The following TNK2 variants were observed in gnomAD, a reference collection of about 807,000 sequenced individuals.
The protein encoded by TNK2 is activated CDC42 kinase 1.
TNK2 carries 83 observed loss-of-function variants against 101.8 expected under a neutral mutation model. That is an observed-to-expected ratio of 0.82 (90% CI 0.68 to 0.98). The LOEUF (loss-of-function observed/expected upper bound fraction) is 0.98. Ranked by LOEUF, TNK2 falls within the 50% of genes least tolerant of loss-of-function variation. TNK2 has a pLI of 0.00. For missense variants in TNK2, 1,665 were observed against 1,483.2 expected (o/e 1.12, Z -2.01); for synonymous variants, 804 against 633.0 (o/e 1.27, Z -4.06).
chr3:195,884,939 C>A lies in TNK2; in HGVS notation c.329G>T (p.Gly110Val), dbSNP rs766261410. ...KTSPAPGGPA[G>V]EGPLQSLTCL... is the part of the protein sequence containing the mutation. The stretch of plus-strand genomic sequence containing the variant: ...GGTGAGGCTCTGCAGGGGCCCCTCC[C>A]CTGCTGGGCCCCCAGGGGCGGGCGA... The change falls in exon 4 of 16, where the codon GGG (glycine) becomes GTG (valine). Residue 110 changes from glycine to valine, a missense_variant. By Grantham distance (109) the Gly-to-Val change is moderately radical. This residue lies in a region of TNK2 where 490 missense variants were observed against 522.5 expected (regional missense o/e 0.94). Coordinates refer to ENST00000672887, the MANE Select transcript of TNK2 (RefSeq NM_001382273.1). The A allele has an allele frequency of 7.2e-5, 117 of 1,613,982 alleles. No homozygotes were observed. The highest frequency in any genetic ancestry group is 9.6e-5 in the Non-Finnish European group (113 of 1,180,006).
At position 195,879,122 on chromosome 3, in the gene TNK2, C is replaced by T. The variant is rs764378910; in HGVS notation, c.941G>A (p.Trp314Ter). The part of the protein sequence containing the change: ...TRTFSHASDT[W>*]MFGVTLWEMF... ...TTCCCACAGTGTCACCCCGAACATC[C>T]AGGTGTCGCTGGCATGGGAGAAGGT... is the stretch of plus-strand genomic sequence containing the variant. Residue 314 changes from tryptophan to a stop codon, truncating the protein, a stop_gained, in exon 7 of 16, where the codon TGG becomes TAG. Transcript: ENST00000672887. LOFTEE classifies it high-confidence loss of function. 1.2e-6 allele frequency: 2 copies of T among 1,613,862 alleles called. No homozygotes were observed. The highest frequency in any genetic ancestry group is 1.1e-5 in the South Asian group (1 of 91,082).
chr3:195,869,843 G>A, intron 11 of TNK2: 1 of 563,542 alleles, frequency 1.8e-6, no homozygotes, highest in Non-Finnish European at 3.2e-6. Context: ...GGAAAGCCAG[G>A]ATCTGAGCTC....
intron 1 of TNK2, among the ~76,000 whole-genome samples, chr3:195,893,796 C>G (rs1410101808): frequency 6.6e-6 from 1 of 152,128 alleles, no homozygotes; most frequent in African/African-American, 2.4e-5. Flanking sequence ...CTCAGGGAGC[C>G]TCAGCTGGCT....
chr3:195,885,846 G>C lies in TNK2; in HGVS notation c.235-813C>G. 2 of 322,648 alleles carry C rather than the reference G, an allele frequency of 6.2e-6. No individual in the cohort carries two copies. Among genetic ancestry groups the C allele is most frequent in the Non-Finnish European group, 6.2e-6 (1 of 162,272 alleles). 20.0% of individuals were successfully genotyped at this position (322,648 alleles called of 1,614,324 possible). On this transcript the variant is annotated intron_variant, in intron 3 of 15. Transcript: ENST00000672887. The surrounding 1 kb of genome is among the most constrained non-coding windows in gnomAD (Gnocchi z 4.7). ...CCTTGGCTCCAGATTGCAGATTCTT[G>C]CCAGCTTGGGTCTCACGCCCCCAGA... is the stretch of plus-strand genomic sequence containing the variant.
intron 12 of TNK2, 61 bp downstream of exon 12, chr3:195,869,436 A>T: frequency 9.5e-7 from 1 of 1,057,936 alleles, no homozygotes. Flanking sequence ...ACCTTCCAGG[A>T]GAGGAGTGAG....
chr3:195,906,576 G>C (rs1281715771), intron 1 of TNK2, among the ~76,000 whole-genome samples: 2 of 152,056 alleles, frequency 1.3e-5, no homozygotes, highest in Non-Finnish European at 2.9e-5. Flanking sequence ...TGTTACCTGG[G>C]GTAGGGGATG....
chr3:195,895,630 C>T (rs2149806447), intron 1 of TNK2: 1 of 1,284,224 alleles, frequency 7.8e-7, no homozygotes, highest in Non-Finnish European at 9.8e-7. Flanking sequence ...CACCGAGAGC[C>T]GGGGCTCTGC....
intron 1 of TNK2, chr3:195,908,231 A>C (rs1761947132): frequency 6.5e-6 from 1 of 154,424 alleles, no homozygotes; most frequent in South Asian, 2.0e-4. Flanking sequence ...TTCCCTCTGC[A>C]CAGACCTGGC....
At chr3:195,876,765 G>C in intron 9 of TNK2, 1 of 395,998 alleles carries the variant, frequency 2.5e-6, no homozygotes, top group Non-Finnish European at 5.1e-6. Flanking sequence ...GGCGGGGCGG[G>C]GCACACCCAC....
chr3:195,896,444 C>G (rs1329935292), intron 1 of TNK2: 1 of 273,036 alleles, frequency 3.7e-6, no homozygotes, highest in African/African-American at 2.3e-5. Flanking sequence ...CCAAGCACAC[C>G]AGGGTAGGTG....
At chr3:195,906,499 G>C (rs1306717855) in intron 1 of TNK2, among the ~76,000 whole-genome samples, 1 of 152,154 alleles carries the variant, frequency 6.6e-6, no homozygotes, top group South Asian at 2.1e-4. Flanking sequence ...TCTGTTGAAT[G>C]AAAGACGCGA....
chr3:195,898,932 T>TA (rs1760928544), intron 1 of TNK2, among the ~76,000 whole-genome samples: 2 of 151,900 alleles, frequency 1.3e-5, no homozygotes, highest in Admixed American at 6.6e-5. Flanking sequence ...CCATCTCTAC[T>TA]AAAAAATATA....
intron 9 of TNK2, chr3:195,876,839 A>G (rs572593103): frequency 1.9e-4 from 68 of 358,900 alleles, no homozygotes; most frequent in African/African-American, 1.3e-3. Context: ...GCGGTGACCT[A>G]AAACACCAGC....
chr3:195,877,805 G>A lies in TNK2; in HGVS notation c.1256+448C>T, dbSNP rs117348498. On this transcript the variant is annotated intron_variant, in intron 9 of 15. Coordinates refer to ENST00000672887, the MANE Select transcript of TNK2 (RefSeq NM_001382273.1). ...GGAGGCAGGCCTGGGAGGGGGTGGT[G>A]GGCTCAGCAGGAAGGATGGAAAGCT... is the stretch of plus-strand genomic sequence containing the variant. 1.3e-3 allele frequency among the ~76,000 whole-genome samples: 192 copies of A among 151,856 alleles called. 2 individuals carry two copies. In the East Asian group the frequency reaches 0.032, roughly 25 times the overall value.
At position 195,867,440 on chromosome 3, in the gene TNK2, C is replaced by T; in HGVS notation, c.2858G>A (p.Arg953Lys). 1 of 1,596,634 alleles carries T rather than the reference C, an allele frequency of 6.3e-7. No individual in the cohort carries two copies. The highest frequency in any genetic ancestry group is 1.1e-5 in the South Asian group (1 of 90,166). The change falls in exon 13 of 16, where the codon AGG (arginine) becomes AAG (lysine). Residue 953 changes from arginine to lysine, a missense_variant. Coordinates refer to ENST00000672887, the MANE Select transcript of TNK2 (RefSeq NM_001382273.1). ...SNPGARPPPPRATARLPQRGC... is the reference protein window; with the variant it reads ...SNPGARPPPPKATARLPQRGC... Reference sequence around the variant, plus strand: ...CCTCTGTGGCAGCCGAGCAGTGGCCCTCGGGGGTGGTGGCCGGGCCCCTGG... The same window carrying T: ...CCTCTGTGGCAGCCGAGCAGTGGCCTTCGGGGGTGGTGGCCGGGCCCCTGG...
In TNK2 at chr3:195,882,837, G is replaced by C. The variant is rs865990142; in HGVS notation, c.609+320C>G. Among the ~76,000 whole-genome samples the C allele has an allele frequency of 2.0e-5, 3 of 152,148 alleles. No individual in the cohort carries two copies. Among genetic ancestry groups the C allele is most frequent in the Middle Eastern group, 3.2e-3 (1 of 316 alleles). ...CATGCCATTGCACTCCAGCCTGGGC[G>C]ACAAAGTGAGACTCCATCTCAAAAT... On this transcript the variant is annotated intron_variant, in intron 5 of 15. Transcript: ENST00000672887. This position sits in a 1 kb window ranked among gnomAD's most constrained non-coding sequence, Gnocchi z 4.2.
chr3:195,869,110 C>T (rs1266598924), intron 12 of TNK2: 2 of 468,030 alleles, frequency 4.3e-6, no homozygotes, highest in African/African-American at 1.9e-5. Flanking sequence ...CCGCCTCCTG[C>T]CATCAGGGGC....
chr3:195,889,133 T>TCCTAACAA (rs1266851326), intron 1 of TNK2, among the ~76,000 whole-genome samples: 2 of 151,110 alleles, frequency 1.3e-5, no homozygotes, highest in East Asian at 3.9e-4. Context: ...CCCCAGCCTC[T>TCCTAACAA]CCTAACAATC....
At chr3:195,899,313 T>A (rs1237636910) in intron 1 of TNK2, among the ~76,000 whole-genome samples, 1 of 151,994 alleles carries the variant, frequency 6.6e-6, no homozygotes. Context: ...CAATAATACA[T>A]GTGAAAAATA....
Sources: allele counts gnomAD v4.1 joint callset (sites outside exome capture counted in the v4.1 genomes callset), GRCh38; gene constraint gnomAD v4.1.1; regional missense constraint gnomAD v4.1.1; non-coding constraint Gnocchi (gnomAD v3.1); transcripts MANE v1.5; gene names NCBI Gene and HGNC (gene_info 2026-07-23, HGNC 2026-07-21).